The following NRXN3 variants were observed in gnomAD, a reference collection of about 807,000 sequenced individuals.
NRXN3 encodes the protein neurexin 3.
A neutral mutation model predicts 137.6 loss-of-function variants in NRXN3; 32 were observed. The ratio of observed to expected loss-of-function variants is 0.23; its 90% CI spans 0.18 to 0.31. NRXN3 has a LOEUF of 0.31. Ranked by LOEUF, NRXN3 falls within the 10% of genes least tolerant of loss-of-function variation. NRXN3 has a pLI of 1.00. For missense variants in NRXN3, 1,574 were observed against 2,062.5 expected (o/e 0.76, Z 4.59); for synonymous variants, 798 against 784.5 (o/e 1.02, Z -0.29).
intron 8 of NRXN3, among the ~76,000 whole-genome samples, chr14:78,770,742 AAAG>A (rs1376353935): frequency 6.6e-6 from 1 of 152,214 alleles, no homozygotes; most frequent in Non-Finnish European, 1.5e-5. Flanking sequence ...AGTAAATTGC[AAAG>A]AAGATACTTG....
intron 10 of NRXN3, among the ~76,000 whole-genome samples, chr14:78,888,317 G>A (rs1032502206): frequency 6.6e-6 from 1 of 152,014 alleles, no homozygotes; most frequent in Non-Finnish European, 1.5e-5. Flanking sequence ...CTGTTTCTAA[G>A]TTGACAGCAA....
intron 4 of NRXN3, among the ~76,000 whole-genome samples, chr14:78,574,204 AG>A (rs2096915406): frequency 6.6e-6 from 1 of 152,266 alleles, no homozygotes; most frequent in Admixed American, 6.5e-5. Flanking sequence ...AGTTTGCTGC[AG>A]GGGCGAAGCC....
chr14:79,072,211 A>G (rs1025721634), intron 15 of NRXN3: 1 of 152,190 alleles, frequency 6.6e-6, no homozygotes, highest in Non-Finnish European at 1.5e-5. Flanking sequence ...TCTGATTTTT[A>G]TGAATGTGTA....
Position 78,573,783 on chromosome 14 carries a change from C to T in NRXN3, c.758-71337C>T, listed in dbSNP as rs997853257. On this transcript the variant is annotated intron_variant, in intron 4 of 20. Transcript: ENST00000335750. ...TGACGATGCGATAGAAAAGAAAAAC[C>T]CATTTTCTGAGGAAAAGTTCAAGTC... 3.3e-5 allele frequency among the ~76,000 whole-genome samples: 5 copies of T among 152,242 alleles called. No homozygotes were observed. The East Asian group carries it at 9.6e-4, about 29-fold the overall frequency.
chr14:78,482,178 G>T (rs1016429849), intron 4 of NRXN3, among the ~76,000 whole-genome samples: 1 of 152,144 alleles, frequency 6.6e-6, no homozygotes, highest in African/African-American at 2.4e-5. Context: ...AAACTCCAAA[G>T]CCCACATAGC....
chr14:79,815,895 G>T lies in NRXN3; in HGVS notation c.4093+10705G>T, dbSNP rs73334277. Among the ~76,000 whole-genome samples the T allele has an allele frequency of 7.6e-3, 1,152 of 152,182 alleles. 17 individuals are homozygous for T. The highest frequency in any genetic ancestry group is 0.025 in the African/African-American group (1,054 of 41,528). On this transcript the variant is annotated intron_variant, in intron 20 of 20. Transcript: ENST00000335750. ...TTTAGTAAAATAATTAGGAAGTACC[G>T]AGTTTTAAGTTTTTAATTACCTGTT...
chr14:79,356,644 C>G (rs956343726), intron 15 of NRXN3, among the ~76,000 whole-genome samples: 21 of 152,188 alleles, frequency 1.4e-4, no homozygotes, highest in African/African-American at 5.1e-4. Flanking sequence ...TATACAGTGC[C>G]TATTGTGATA....
intron 19 of NRXN3, among the ~76,000 whole-genome samples, chr14:79,726,183 A>C (rs2098888033): frequency 6.6e-6 from 1 of 152,188 alleles, no homozygotes; most frequent in African/African-American, 2.4e-5. Context: ...TTAAAAAGGA[A>C]GTTTTAATGA....
At chr14:79,065,306 G>A (rs2099679405) in intron 15 of NRXN3, among the ~76,000 whole-genome samples, 1 of 152,024 alleles carries the variant, frequency 6.6e-6, no homozygotes, top group Non-Finnish European at 1.5e-5. Context: ...GTCAAGAAAG[G>A]AACCGGTCAG....
intron 15 of NRXN3, among the ~76,000 whole-genome samples, chr14:79,061,066 C>T (rs914477172): frequency 7.9e-5 from 12 of 152,286 alleles, no homozygotes; most frequent in African/African-American, 2.6e-4. Flanking sequence ...GTAGAAGTGG[C>T]TCTCCTTTCA....
At chr14:79,668,138 C>T (rs1470864186) in intron 17 of NRXN3, among the ~76,000 whole-genome samples, 1 of 152,002 alleles carries the variant, frequency 6.6e-6, no homozygotes, top group African/African-American at 2.4e-5. Context: ...ACATTTAAAT[C>T]CTATTTGACC....
At chr14:78,887,237 G>A (rs1049966044) in intron 10 of NRXN3, among the ~76,000 whole-genome samples, 1 of 152,090 alleles carries the variant, frequency 6.6e-6, no homozygotes, top group Non-Finnish European at 1.5e-5. Flanking sequence ...TTGGTAACTT[G>A]TCTAAGGTCA....
intron 1 of NRXN3, among the ~76,000 whole-genome samples, chr14:78,238,322 T>C (rs937163887): frequency 6.6e-6 from 1 of 152,254 alleles, no homozygotes; most frequent in African/African-American, 2.4e-5. Flanking sequence ...TGTTCTGAGC[T>C]TCTGCACCAG....
intron 17 of NRXN3, among the ~76,000 whole-genome samples, chr14:79,670,837 C>G (rs2098603391): frequency 6.6e-6 from 1 of 152,062 alleles, no homozygotes; most frequent in Non-Finnish European, 1.5e-5. Flanking sequence ...ATTTTAGGAC[C>G]ATTTTTTATC....
intron 10 of NRXN3, among the ~76,000 whole-genome samples, chr14:78,949,605 A>T (rs540346624): frequency 0.14 from 16,341 of 116,404 alleles, 972 homozygotes; most frequent in African/African-American, 0.31. Context: ...TTTTTTTTTA[A>T]AAAAAAACTA....
At chr14:79,257,443 T>TGGTGGTGGTGGTGGTG in intron 15 of NRXN3, among the ~76,000 whole-genome samples, 1 of 26,928 alleles carries the variant, frequency 3.7e-5, no homozygotes. Context: ...GTGGTGGTGG[T>TGGTGGTGGTGGTGGTG]AGTGATGGTG....
At chr14:79,232,297 G>C (rs543409496) in intron 15 of NRXN3, among the ~76,000 whole-genome samples, 1 of 152,072 alleles carries the variant, frequency 6.6e-6, no homozygotes, top group East Asian at 1.9e-4. Context: ...CGTGCTCCAA[G>C]TTCATCCCGA....
At chr14:78,438,965 G>A (rs1473677885) in intron 4 of NRXN3, among the ~76,000 whole-genome samples, 2 of 152,032 alleles carry the variant, frequency 1.3e-5, no homozygotes, top group African/African-American at 4.8e-5. Context: ...AGTAATGGGG[G>A]ATGGAGCCAG....
At chr14:79,485,587 T>C (rs2096648482) in intron 16 of NRXN3, among the ~76,000 whole-genome samples, 1 of 152,168 alleles carries the variant, frequency 6.6e-6, no homozygotes, top group South Asian at 2.1e-4. Context: ...TAGCACTCCT[T>C]TTGTGTGTGT....
Sources: gnomAD v4.1 joint callset for allele counts (sites outside exome capture counted in the v4.1 genomes callset) on GRCh38, gnomAD v4.1.1 for gene constraint, MANE v1.5 for transcripts, NCBI Gene and HGNC (gene_info 2026-07-23, HGNC 2026-07-21) for gene names.